Variants in KPNA5 observed in about 807,000 individuals in gnomAD.
The protein encoded by KPNA5 is karyopherin subunit alpha 5.
A neutral mutation model predicts 71.3 loss-of-function variants in KPNA5; 46 were observed. The observed-to-expected ratio is 0.65, with a 90% CI of 0.51 to 0.83. The LOEUF (loss-of-function observed/expected upper bound fraction) is 0.83. Ranked by LOEUF, KPNA5 falls within the 40% of genes least tolerant of loss-of-function variation. The pLI, the probability that KPNA5 is intolerant of heterozygous loss-of-function variation, is 0.00. For synonymous variants in KPNA5, 207 were observed against 201.4 expected (o/e 1.03, Z -0.24); for missense variants, 547 against 628.3 (o/e 0.87, Z 1.38).
At chr6:116,720,406 T>G (rs908661596) in intron 8 of KPNA5, among the ~76,000 whole-genome samples, 1 of 151,512 alleles carries the variant, frequency 6.6e-6, no homozygotes, top group African/African-American at 2.4e-5. Flanking sequence ...CTGTTTCTTT[T>G]TTTTTTTCCT....
At chr6:116,730,442 C>T (rs1779441728) in intron 13 of KPNA5, among the ~76,000 whole-genome samples, 1 of 152,022 alleles carries the variant, frequency 6.6e-6, no homozygotes, top group African/African-American at 2.4e-5. Flanking sequence ...TTAACCATAA[C>T]CTGTTGTTGA....
At chr6:116,722,406 A>T in intron 9 of KPNA5, 117 bp downstream of exon 9, 1 of 836,902 alleles carries the variant, frequency 1.2e-6, no homozygotes, top group Non-Finnish European at 1.7e-6. Flanking sequence ...TTAAAAAGCT[A>T]CTGACCCAAC....
chr6:116,701,239 AT>A (rs1778219541), intron 5 of KPNA5, among the ~76,000 whole-genome samples: 1 of 152,066 alleles, frequency 6.6e-6, no homozygotes, highest in Non-Finnish European at 1.5e-5. Context: ...TATTAAAAAA[AT>A]TTTTTTCATG....
chr6:116,691,162 G>C (rs1005455394), intron 2 of KPNA5, among the ~76,000 whole-genome samples: 1 of 152,262 alleles, frequency 6.6e-6, no homozygotes, highest in Non-Finnish European at 1.5e-5. Flanking sequence ...CCAGGAGGTG[G>C]AGGTTGCAGT....
chr6:116,688,330 A>G (rs948759943), intron 1 of KPNA5, among the ~76,000 whole-genome samples: 2 of 152,106 alleles, frequency 1.3e-5, no homozygotes, highest in Non-Finnish European at 2.9e-5. Flanking sequence ...TTTACTTCAT[A>G]AGCTAATTGG....
At chr6:116,723,727 A>G (rs1274541632) in intron 9 of KPNA5, among the ~76,000 whole-genome samples, 1 of 152,234 alleles carries the variant, frequency 6.6e-6, no homozygotes, top group Admixed American at 6.5e-5. Flanking sequence ...ATAATTACCA[A>G]TACTTCAGAT....
At position 116,726,559 on chromosome 6, in the gene KPNA5, C is replaced by T; in HGVS notation, c.1190C>T (p.Thr397Ile). Residue 397 changes from threonine to isoleucine, a missense_variant, in exon 12 of 14, where the codon ACC becomes ATC. Transcript: ENST00000368564. ...ATTCTTCAGAAAGCAGAGTTTCGTACCAGAAAAGAAGCAGCTTGGGCTATA... is the reference window on the plus strand; with the variant it reads ...ATTCTTCAGAAAGCAGAGTTTCGTATCAGAAAAGAAGCAGCTTGGGCTATA... ...IEILQKAEFR[T>I]RKEAAWAITN... The T allele has an allele frequency of 6.2e-7, 1 of 1,612,032 alleles. No individual in the cohort carries two copies. Among genetic ancestry groups the T allele is most frequent in the Non-Finnish European group, 8.5e-7 (1 of 1,178,810 alleles).
Position 116,716,083 on chromosome 6 carries a change from A to T in KPNA5, c.657-136A>T, listed in dbSNP as rs564016651. On this transcript the variant is annotated intron_variant, in intron 7 of 13. Transcript: ENST00000368564. ...TTATTTAGCTTGTGAAAACATAATG[A>T]ATTTTAGATTCTTTTTTCCTATTTT... 1.8e-4 allele frequency: 113 copies of T among 641,176 alleles called. 2 individuals carry two copies. The South Asian group carries it at 2.4e-3, about 13-fold the overall frequency. 39.7% of individuals were successfully genotyped at this position (641,176 alleles called of 1,614,324 possible). A position where few individuals can be genotyped will look rare whatever the true frequency, so the allele number is the denominator to read the frequency against.
intron 7 of KPNA5, among the ~76,000 whole-genome samples, chr6:116,707,054 C>A (rs1462185542): frequency 6.6e-6 from 1 of 151,884 alleles, no homozygotes; most frequent in Non-Finnish European, 1.5e-5. Context: ...GTCCCAGCTA[C>A]TCGGGAGGCT....
intron 9 of KPNA5, among the ~76,000 whole-genome samples, chr6:116,722,656 T>C (rs1583441793): frequency 6.6e-6 from 1 of 152,326 alleles, no homozygotes; most frequent in East Asian, 1.9e-4. Flanking sequence ...TAGTTTATTA[T>C]TCATTATAAT....
chr6:116,727,829 T>C (rs1562455941), intron 12 of KPNA5, among the ~76,000 whole-genome samples: 4 of 152,134 alleles, frequency 2.6e-5, no homozygotes, highest in Non-Finnish European at 5.9e-5. Context: ...TAGCAAAGTT[T>C]CACTTACACC....
Position 116,692,325 on chromosome 6 carries a change from G to A in KPNA5, c.273G>A (p.Met91Ile). Residue 91 changes from methionine (M) to isoleucine (I), a missense_variant, in exon 4 of 14, where the codon ATG becomes ATA. Physicochemically the swap from Met to Ile is conservative, Grantham distance 10. Transcript: ENST00000368564. ...TTGTTACTACAGATATGGTTCAGAT[G>A]ATTTTTTCTAATAATGCTGATCAAC... ...EEVVTTDMVQMIFSNNADQQL... is the reference protein window; with the variant it reads ...EEVVTTDMVQIIFSNNADQQL... 1 of 1,604,242 alleles carries A rather than the reference G, an allele frequency of 6.2e-7. No homozygotes were observed.
chr6:116,726,535 T>G lies in KPNA5; in HGVS notation c.1166T>G (p.Ile389Ser). The stretch of plus-strand genomic sequence containing the variant: ...AATATTTTTCCTGTTTTGATTGAGA[T>G]TCTTCAGAAAGCAGAGTTTCGTACC... The part of the protein sequence containing the change: ...DANIFPVLIE[I>S]LQKAEFRTRK... The change falls in exon 12 of 14, where the codon ATT becomes AGT. Residue 389 changes from isoleucine (I) to serine (S), a missense_variant. Coordinates refer to ENST00000368564, the MANE Select transcript of KPNA5 (RefSeq NM_001366306.2). 1 of 1,612,432 alleles carries G rather than the reference T, an allele frequency of 6.2e-7. No homozygotes were observed. The highest frequency in any genetic ancestry group is 8.5e-7 in the Non-Finnish European group (1 of 1,178,942).
In KPNA5 at chr6:116,738,972, A is replaced by G. The variant is rs1203606815; in HGVS notation, c.*6649A>G. On this transcript the variant is annotated 3_prime_UTR_variant, in exon 14 of 14. Coordinates refer to ENST00000368564, the MANE Select transcript of KPNA5 (RefSeq NM_001366306.2). ...AGGGATGCCCTCTCTCACCACTCCTATTCAACATAGTGTTGGAAGTTCTGG... is the reference window on the plus strand; with the variant it reads ...AGGGATGCCCTCTCTCACCACTCCTGTTCAACATAGTGTTGGAAGTTCTGG... The G allele has an allele frequency of 7.0e-4, 106 of 151,506 alleles. 1 individual carries two copies. The highest frequency in any genetic ancestry group is 2.4e-3 in the African/African-American group (99 of 41,328). The allele number at this position is 151,506 out of a possible 1,614,324, so 9.4% of individuals were successfully genotyped here.
Position 116,729,573 on chromosome 6 carries a change from G to T in KPNA5, c.1264G>T (p.Ala422Ser). 6.4e-7 allele frequency: 1 copy of T among 1,560,378 alleles called. No homozygotes were observed. The highest frequency in any genetic ancestry group is 8.7e-7 in the Non-Finnish European group (1 of 1,151,664). Reference sequence around the variant, plus strand: ...TATATTAATCTGAAGGTATTTGGTAGCTTTAGGCTGCATTAAACCACTTTG... The same window carrying T: ...TATATTAATCTGAAGGTATTTGGTATCTTTAGGCTGCATTAAACCACTTTG... ...GTPEQIRYLV[A>S]LGCIKPLCDL... The change falls in exon 13 of 14, where the codon GCT becomes TCT. Residue 422 changes from alanine (A) to serine (S), a missense_variant. By Grantham distance (99) the Ala-to-Ser change is moderately conservative. Coordinates refer to ENST00000368564, the MANE Select transcript of KPNA5 (RefSeq NM_001366306.2).
At chr6:116,688,442 G>A (rs1010967479) in intron 1 of KPNA5, among the ~76,000 whole-genome samples, 2 of 152,036 alleles carry the variant, frequency 1.3e-5, no homozygotes, top group African/African-American at 4.8e-5. Flanking sequence ...TTGGCACCCT[G>A]CTTTAGGCAG....
At chr6:116,693,482 G>T (rs1777888652) in intron 4 of KPNA5, among the ~76,000 whole-genome samples, 1 of 152,164 alleles carries the variant, frequency 6.6e-6, no homozygotes, top group African/African-American at 2.4e-5. Flanking sequence ...TTCTCTGATG[G>T]TCAGTGATGA....
At chr6:116,711,173 T>A (rs1432270142) in intron 7 of KPNA5, among the ~76,000 whole-genome samples, 5 of 151,176 alleles carry the variant, frequency 3.3e-5, no homozygotes, top group Admixed American at 1.3e-4. Flanking sequence ...GGATTACAGG[T>A]GTGAGCCACC....
At chr6:116,725,699 A>C in intron 10 of KPNA5, 52 bp from the exon 11 acceptor site, 1 of 1,444,162 alleles carries the variant, frequency 6.9e-7, no homozygotes. Context: ...GTAGATTTTC[A>C]TATAGGTTAT....
Sources: allele counts gnomAD v4.1 joint callset (sites outside exome capture counted in the v4.1 genomes callset), GRCh38; gene constraint gnomAD v4.1.1; transcripts MANE v1.5; gene names NCBI Gene and HGNC (gene_info 2026-07-23, HGNC 2026-07-21).